GALNT10: variants seen among roughly 807,000 people sequenced by gnomAD.
The protein encoded by GALNT10 is GalNAc transferase 10.
In GALNT10, 41 loss-of-function variants were observed where a neutral mutation model predicts 75.0. The observed-to-expected ratio is 0.55, with a 90% CI of 0.43 to 0.71. The LOEUF (loss-of-function observed/expected upper bound fraction) is 0.71, where lower values mean the gene tolerates loss of function less well. Among genes scored for constraint, GALNT10 ranks in the 30% least tolerant of loss-of-function variants. The pLI is 0.00. For missense variants in GALNT10, 727 were observed against 818.5 expected, an observed-to-expected ratio of 0.89 and a Z score of 1.36; for synonymous variants, 302 against 313.0, an observed-to-expected ratio of 0.96 and a Z score of 0.37.
chr5:154,246,100 T>C (rs1581936554), intron 1 of GALNT10, among the ~76,000 whole-genome samples: 1 of 151,740 alleles, frequency 6.6e-6, no homozygotes, highest in East Asian at 1.9e-4. Flanking sequence ...AGAATGATGG[T>C]TTCCAGTTTC....
At chr5:154,314,441 A>G (rs1305538108) in intron 3 of GALNT10, among the ~76,000 whole-genome samples, 1 of 152,156 alleles carries the variant, frequency 6.6e-6, no homozygotes, top group Non-Finnish European at 1.5e-5. Flanking sequence ...TCCTCATTCT[A>G]GACCTCAGTT....
intron 1 of GALNT10, among the ~76,000 whole-genome samples, chr5:154,272,587 T>C (rs1449266033): frequency 1.3e-5 from 2 of 152,174 alleles, no homozygotes; most frequent in Admixed American, 6.5e-5. Context: ...GCCACTCACC[T>C]GCATCAGGAA....
intron 1 of GALNT10, 145 bp from the exon 2 acceptor site, chr5:154,294,671 A>G (rs1754247177): frequency 1.9e-6 from 1 of 519,242 alleles, no homozygotes; most frequent in Non-Finnish European, 3.5e-6. Context: ...CAAGGCACCA[A>G]CAAAGGTATG....
intron 4 of GALNT10, among the ~76,000 whole-genome samples, chr5:154,339,667 A>G (rs1317930947): frequency 6.6e-6 from 1 of 152,200 alleles, no homozygotes; most frequent in African/African-American, 2.4e-5. Context: ...AAATAGCTGC[A>G]TTATATTTTC....
At chr5:154,338,393 C>A in intron 4 of GALNT10, 1 of 424,098 alleles carries the variant, frequency 2.4e-6, no homozygotes, top group East Asian at 5.0e-5. Context: ...CAAAGCTCAA[C>A]CCTCCAATGA....
intron 4 of GALNT10, among the ~76,000 whole-genome samples, chr5:154,362,238 A>T (rs1255667839): frequency 6.6e-6 from 1 of 152,176 alleles, no homozygotes; most frequent in African/African-American, 2.4e-5. Context: ...GTGCTAACAA[A>T]TCGAATACCT....
intron 1 of GALNT10, among the ~76,000 whole-genome samples, chr5:154,259,981 A>G (rs191993481): frequency 1.3e-5 from 2 of 152,342 alleles, no homozygotes; most frequent in East Asian, 3.9e-4. Context: ...CTTTCAGAAC[A>G]GTGAGGACTT....
rs541496032 is a variant in GALNT10, at chr5:154,224,424, A to G, written c.159+33399A>G. ...CTTGCTTCCTCCTTCTTCCTCGTCC[A>G]TCTGTATTTTGCATACTTCATTGCT... is the stretch of plus-strand genomic sequence containing the variant. On this transcript the variant is annotated intron_variant, in intron 1 of 11. Coordinates refer to ENST00000297107, the MANE Select transcript of GALNT10 (RefSeq NM_198321.4). 3.3e-5 allele frequency among the ~76,000 whole-genome samples: 5 copies of G among 152,346 alleles called. 1 individual carries two copies. In the South Asian group the frequency reaches 1.0e-3, roughly 32 times the overall value.
Position 154,294,879 on chromosome 5 carries a change from C to T in GALNT10, c.223C>T (p.His75Tyr), listed in dbSNP as rs770767701. Residue 75 changes from histidine (H) to tyrosine (Y), a missense_variant, in exon 2 of 12, where the codon CAT becomes TAT. Physicochemically the swap from His to Tyr is moderately conservative, Grantham distance 83. Coordinates refer to ENST00000297107, the MANE Select transcript of GALNT10 (RefSeq NM_198321.4). ...LGDGQKLKDW[H>Y]DKEAIRRDAQ... ...AGATGGGCAGAAGCTGAAGGACTGG[C>T]ATGACAAGGAGGCCATCCGGAGGGA... is the stretch of plus-strand genomic sequence containing the variant. 1.8e-5 allele frequency: 29 copies of T among 1,604,898 alleles called. 1 individual carries two copies. In the South Asian group the frequency reaches 2.9e-4, roughly 16 times the overall value.
intron 1 of GALNT10, among the ~76,000 whole-genome samples, chr5:154,242,879 C>A (rs1291601608): frequency 6.6e-6 from 1 of 152,232 alleles, no homozygotes; most frequent in Non-Finnish European, 1.5e-5. Context: ...TGTCTAGTTA[C>A]TGTTTTCAGC....
intron 1 of GALNT10, among the ~76,000 whole-genome samples, chr5:154,264,045 G>C (rs1317088475): frequency 2.6e-5 from 4 of 152,116 alleles, no homozygotes; most frequent in African/African-American, 9.7e-5. Context: ...GGGTGTGATG[G>C]CTTATACCTG....
Position 154,201,614 on chromosome 5 carries a change from G to A in GALNT10, c.159+10589G>A, listed in dbSNP as rs559039681. 3.3e-5 allele frequency among the ~76,000 whole-genome samples: 5 copies of A among 152,104 alleles called. No individual in the cohort carries two copies. The East Asian group carries it at 9.7e-4, about 29-fold the overall frequency. On this transcript the variant is annotated intron_variant, in intron 1 of 11. Coordinates refer to ENST00000297107, the MANE Select transcript of GALNT10 (RefSeq NM_198321.4). ...GTTGTTGTTTTTAGCCATGTCAGGGGCTGCTCTAGATTTGTTAGAAATGAT... is the reference window on the plus strand; with the variant it reads ...GTTGTTGTTTTTAGCCATGTCAGGGACTGCTCTAGATTTGTTAGAAATGAT...
intron 1 of GALNT10, among the ~76,000 whole-genome samples, chr5:154,201,183 A>G (rs544260786): frequency 1.3e-5 from 2 of 152,104 alleles, no homozygotes; most frequent in South Asian, 4.1e-4. Flanking sequence ...GCTGCAGGAG[A>G]CATTCGACTT....
chr5:154,400,450 C>T (rs1348901434), intron 7 of GALNT10, among the ~76,000 whole-genome samples: 1 of 152,066 alleles, frequency 6.6e-6, no homozygotes, highest in African/African-American at 2.4e-5. Context: ...TAAATATATA[C>T]CCCATTACCC....
At chr5:154,244,673 G>A (rs12332307) in intron 1 of GALNT10, among the ~76,000 whole-genome samples, 3,108 of 152,280 alleles carry the variant, frequency 0.02, 90 homozygotes, top group East Asian at 0.15. Flanking sequence ...GTGAAAACAC[G>A]TGAGCCCAGT....
chr5:154,284,948 A>G (rs1053732860), intron 1 of GALNT10, among the ~76,000 whole-genome samples: 1 of 152,222 alleles, frequency 6.6e-6, no homozygotes, highest in Non-Finnish European at 1.5e-5. Context: ...TAATCTCATG[A>G]AAGAGTTAGG....
Position 154,409,760 on chromosome 5 carries a change from G to A in GALNT10, c.1384G>A (p.Glu462Lys), listed in dbSNP as rs764863010. 11 of 1,606,486 alleles carry A rather than the reference G, an allele frequency of 6.8e-6. No individual in the cohort carries two copies. Among genetic ancestry groups the A allele is most frequent in the Non-Finnish European group, 9.4e-6 (11 of 1,173,152 alleles). The change falls in exon 9 of 12, where the codon GAG becomes AAG. Residue 462 changes from glutamate to lysine, a missense_variant and splice_region_variant. Transcript: ENST00000297107. The surrounding 1 kb of genome is among the most constrained non-coding windows in gnomAD (Gnocchi z 4.5). ...PVEPPAAAWG[E>K]IRNVGTGLCA... is the part of the protein sequence containing the mutation. ...GGAGCCCCCGGCTGCAGCTTGGGGG[G>A]AGGTGAGTCTGGAGGGCAGGGCTGG...
chr5:154,272,518 C>T (rs1467274182), intron 1 of GALNT10, among the ~76,000 whole-genome samples: 2 of 152,170 alleles, frequency 1.3e-5, no homozygotes, highest in African/African-American at 4.8e-5. Context: ...CCTCCAGGAA[C>T]ACCACGTGGG....
At chr5:154,199,336 T>C (rs1463656197) in intron 1 of GALNT10, among the ~76,000 whole-genome samples, 1 of 152,120 alleles carries the variant, frequency 6.6e-6, no homozygotes, top group Non-Finnish European at 1.5e-5. Flanking sequence ...GACAGACCTC[T>C]CTTTCCCCAG....
Sources: gnomAD v4.1 joint callset for allele counts (sites outside exome capture counted in the v4.1 genomes callset) on GRCh38, gnomAD v4.1.1 for gene constraint, Gnocchi (gnomAD v3.1) non-coding constraint, MANE v1.5 for transcripts, NCBI Gene and HGNC (gene_info 2026-07-23, HGNC 2026-07-21) for gene names.